PARD3B: variants seen among roughly 807,000 people sequenced by gnomAD.
The protein encoded by PARD3B is partitioning defective 3 homolog B.
Under a neutral mutation model 130.2 loss-of-function variants are expected in PARD3B, and 103 were observed. The observed-to-expected ratio is 0.79, with a 90% confidence interval of 0.67 to 0.93. PARD3B has a LOEUF of 0.93. Among genes scored for constraint, PARD3B ranks in the 40% least tolerant of loss-of-function variants. The probability of loss-of-function intolerance (pLI) is 0.00; values close to 1 mark genes in which losing one functional copy is unlikely to be tolerated. For synonymous variants in PARD3B, 583 were observed against 553.2 expected, an observed-to-expected ratio of 1.05 and a Z score of -0.76; for missense variants, 1,609 against 1,499.2, an observed-to-expected ratio of 1.07 and a Z score of -1.21.
At chr2:204,812,903 G>GT (rs1159890596) in intron 2 of PARD3B, among the ~76,000 whole-genome samples, 14 of 152,208 alleles carry the variant, frequency 9.2e-5, no homozygotes, top group African/African-American at 3.4e-4. Context: ...ATTTCTAGGG[G>GT]TAGGGGGTCT....
chr2:205,459,357 A>G (rs1257397743), intron 20 of PARD3B, among the ~76,000 whole-genome samples: 1 of 152,098 alleles, frequency 6.6e-6, no homozygotes, highest in African/African-American at 2.4e-5. Context: ...GTAAGAATGC[A>G]ACAAATTCTT....
rs577578832 is a variant in PARD3B, at chr2:205,110,639, T to G, written c.594-2852T>G. 7.2e-4 allele frequency among the ~76,000 whole-genome samples: 90 copies of G among 125,680 alleles called. 1 individual carries two copies. Among genetic ancestry groups the G allele is most frequent in the Admixed American group, 2.7e-3 (28 of 10,372 alleles). 82.5% of individuals were successfully genotyped at this position (125,680 alleles called of 152,430 possible). ...CAGTTTATTTTCTGTTTTTTGTTTTTTGTTTTTTTTGTAAGTGGCTGTCAA... is the reference window on the plus strand; with the variant it reads ...CAGTTTATTTTCTGTTTTTTGTTTTGTGTTTTTTTTGTAAGTGGCTGTCAA... On this transcript the variant is annotated intron_variant, in intron 5 of 22. Transcript: ENST00000406610.
In PARD3B at chr2:205,550,081, C is replaced by G. The variant is rs989894677; in HGVS notation, c.3181-3243C>G. 6.6e-6 allele frequency among the ~76,000 whole-genome samples: 1 copy of G among 152,136 alleles called. No individual in the cohort carries two copies. The highest frequency in any genetic ancestry group is 1.5e-5 in the Non-Finnish European group (1 of 68,028). ...TACCTTTGCAAAATCTTCAAATTCCCTGAAGACACAGTGCTTTCGATATGC... is the reference window on the plus strand; with the variant it reads ...TACCTTTGCAAAATCTTCAAATTCCGTGAAGACACAGTGCTTTCGATATGC... On this transcript the variant is annotated intron_variant, in intron 21 of 22. Transcript: ENST00000406610. The surrounding 1 kb of genome is among the most constrained non-coding windows in gnomAD (Gnocchi z 4.5).
At chr2:205,504,954 G>A (rs901502679) in intron 21 of PARD3B, among the ~76,000 whole-genome samples, 9 of 152,052 alleles carry the variant, frequency 5.9e-5, no homozygotes, top group African/African-American at 1.7e-4. Flanking sequence ...TGTTTATTGT[G>A]GCACTATTCA....
intron 4 of PARD3B, among the ~76,000 whole-genome samples, chr2:205,073,475 G>A (rs7568401): frequency 0.025 from 3,768 of 151,680 alleles, 142 homozygotes; most frequent in African/African-American, 0.083. Context: ...CTATTTTTTC[G>A]GGAAAAAAAG....
chr2:205,285,962 G>T (rs368284308), intron 16 of PARD3B, among the ~76,000 whole-genome samples: 143 of 152,158 alleles, frequency 9.4e-4, no homozygotes, highest in Middle Eastern at 3.4e-3. Context: ...TGTATATAGA[G>T]TACACTGCAG....
chr2:204,701,164 C>T (rs945452714), intron 2 of PARD3B, among the ~76,000 whole-genome samples: 7 of 152,014 alleles, frequency 4.6e-5, no homozygotes, highest in Admixed American at 2.6e-4. Context: ...TTTGGCCCAT[C>T]CTTGTTTGAA....
chr2:204,823,762 A>T (rs529517266), intron 2 of PARD3B, among the ~76,000 whole-genome samples: 1 of 152,246 alleles, frequency 6.6e-6, no homozygotes, highest in Admixed American at 6.5e-5. Flanking sequence ...CAGTATGGTG[A>T]AACCGTTTCT....
In PARD3B at chr2:205,598,632, C is replaced by G. The variant is rs551750293; in HGVS notation, c.3261-16824C>G. ...ACCTATTGGACCTAATAGGCATCTA[C>G]AAAATACTTTACCCAACAACCACAG... On this transcript the variant is annotated intron_variant, in intron 22 of 22. Transcript: ENST00000406610. Among the ~76,000 whole-genome samples, 4 of 152,310 alleles carry G rather than the reference C, an allele frequency of 2.6e-5. No individual in the cohort carries two copies. The South Asian group carries it at 8.3e-4, about 32-fold the overall frequency.
intron 20 of PARD3B, among the ~76,000 whole-genome samples, chr2:205,489,003 T>G (rs1316011915): frequency 6.6e-6 from 1 of 152,222 alleles, no homozygotes; most frequent in African/African-American, 2.4e-5. Context: ...GGATGCACAG[T>G]TGCAAATTGA....
At chr2:205,192,320 A>T (rs924924036) in intron 14 of PARD3B, among the ~76,000 whole-genome samples, 1 of 152,190 alleles carries the variant, frequency 6.6e-6, no homozygotes, top group Non-Finnish European at 1.5e-5. Flanking sequence ...TTTTGTAAGG[A>T]TACATGATTT....
intron 2 of PARD3B, among the ~76,000 whole-genome samples, chr2:204,782,018 A>C (rs945221190): frequency 1.3e-5 from 2 of 152,104 alleles, no homozygotes; most frequent in Non-Finnish European, 2.9e-5. Context: ...TGATGTTAGA[A>C]GTTTACTTGA....
At chr2:204,628,694 AC>A (rs980765376) in intron 1 of PARD3B, among the ~76,000 whole-genome samples, 9 of 152,052 alleles carry the variant, frequency 5.9e-5, no homozygotes, top group African/African-American at 1.9e-4. Context: ...ACTAACTAAA[AC>A]CTTGCCAGTA....
Position 204,602,411 on chromosome 2 carries a change from A to G in PARD3B, c.120+56292A>G, listed in dbSNP as rs112335026. 3.5e-3 allele frequency among the ~76,000 whole-genome samples: 540 copies of G among 152,174 alleles called. 3 individuals are homozygous for G. Among genetic ancestry groups the G allele is most frequent in the Admixed American group, 6.6e-3 (101 of 15,262 alleles). On this transcript the variant is annotated intron_variant, in intron 1 of 22. Coordinates refer to ENST00000406610, the MANE Select transcript of PARD3B (RefSeq NM_001302769.2). ...CCCAAGGACTTTCTTAAACAATAGT[A>G]CAAAGACACAGTTTAAAAAAAATAA...
chr2:205,597,324 G>T (rs1305971465), intron 22 of PARD3B, among the ~76,000 whole-genome samples: 1 of 152,128 alleles, frequency 6.6e-6, no homozygotes, highest in East Asian at 1.9e-4. Context: ...CTGGCCTCTG[G>T]CTGCATCCAT....
intron 4 of PARD3B, among the ~76,000 whole-genome samples, chr2:205,097,588 A>G (rs1014871633): frequency 6.6e-6 from 1 of 152,178 alleles, no homozygotes; most frequent in Non-Finnish European, 1.5e-5. Context: ...AGAAACTTGT[A>G]GAAGCTCGGG....
chr2:204,846,926 T>C (rs2044485222), intron 2 of PARD3B, among the ~76,000 whole-genome samples: 1 of 151,914 alleles, frequency 6.6e-6, no homozygotes, highest in South Asian at 2.1e-4. Context: ...AGGAGATAAT[T>C]AGAGTCGTAG....
At chr2:204,546,701 A>G (rs2029965057) in intron 1 of PARD3B, among the ~76,000 whole-genome samples, 1 of 152,156 alleles carries the variant, frequency 6.6e-6, no homozygotes, top group Non-Finnish European at 1.5e-5. Context: ...CAACCTGTCT[A>G]CATTTTGAGT....
chr2:204,855,550 A>T (rs28824917), intron 2 of PARD3B, among the ~76,000 whole-genome samples: 60 of 138,544 alleles, frequency 4.3e-4, no homozygotes, highest in Middle Eastern at 7.2e-3. Context: ...AAAAGAAAAA[A>T]AAATATATAT....
Sources: gnomAD v4.1 joint callset for allele counts (sites outside exome capture counted in the v4.1 genomes callset) on GRCh38, gnomAD v4.1.1 for gene constraint, Gnocchi (gnomAD v3.1) non-coding constraint, MANE v1.5 for transcripts, NCBI Gene and HGNC (gene_info 2026-07-23, HGNC 2026-07-21) for gene names.